SUMF1: variants seen among roughly 807,000 people sequenced by gnomAD.
SUMF1 encodes the protein sulfatase modifying factor 1, also known as formylglycine-generating enzyme.
In SUMF1, 48 loss-of-function variants were observed where a neutral mutation model predicts 47.6. That is an observed-to-expected ratio of 1.01 (90% CI 0.80 to 1.28). The LOEUF (loss-of-function observed/expected upper bound fraction) is 1.28, where lower values mean the gene tolerates loss of function less well. SUMF1 is among the 50% of genes most tolerant of loss of function. The pLI is 0.00. For missense variants in SUMF1, 571 were observed against 485.4 expected (o/e 1.18, Z -1.66); for synonymous variants, 230 against 192.1 (o/e 1.20, Z -1.63).
intron 8 of SUMF1, among the ~76,000 whole-genome samples, chr3:4,179,935 A>T (rs1695055609): frequency 6.6e-6 from 1 of 152,226 alleles, no homozygotes; most frequent in Non-Finnish European, 1.5e-5. Context: ...CAAAAGACAC[A>T]TGAAAAAATT....
chr3:4,350,837 T>G (rs1699484797), intron 8 of SUMF1, among the ~76,000 whole-genome samples: 1 of 151,950 alleles, frequency 6.6e-6, no homozygotes, highest in African/African-American at 2.4e-5. Flanking sequence ...TGGAATAAAA[T>G]TTTGCACCCC....
intron 8 of SUMF1, among the ~76,000 whole-genome samples, chr3:4,244,150 T>A (rs939808530): frequency 5.3e-5 from 8 of 152,192 alleles, no homozygotes; most frequent in African/African-American, 1.9e-4. Flanking sequence ...TGAGCCTATG[T>A]GTGTCTTTGC....
chr3:4,208,888 G>C (rs910992170), intron 8 of SUMF1, among the ~76,000 whole-genome samples: 4 of 152,082 alleles, frequency 2.6e-5, no homozygotes, highest in Non-Finnish European at 5.9e-5. Flanking sequence ...AAAGAGATCT[G>C]TTGCTAGACT....
At chr3:4,428,876 CA>C (rs1702148677) in intron 3 of SUMF1, among the ~76,000 whole-genome samples, 1 of 152,198 alleles carries the variant, frequency 6.6e-6, no homozygotes, top group African/African-American at 2.4e-5. Flanking sequence ...TAAGCATACA[CA>C]TTTTTACAGT....
chr3:4,206,245 C>A (rs925731214), intron 8 of SUMF1, among the ~76,000 whole-genome samples: 1 of 151,848 alleles, frequency 6.6e-6, no homozygotes. Flanking sequence ...GACACAAACA[C>A]TCCTTTGGCT....
intron 8 of SUMF1, among the ~76,000 whole-genome samples, chr3:4,346,951 T>C (rs1029754244): frequency 6.6e-6 from 1 of 152,224 alleles, no homozygotes; most frequent in Admixed American, 6.5e-5. Flanking sequence ...GATAAATTCC[T>C]GGACACATAC....
chr3:4,045,612 T>C (rs781268019), intron 9 of SUMF1, among the ~76,000 whole-genome samples: 1 of 152,088 alleles, frequency 6.6e-6, no homozygotes, highest in Non-Finnish European at 1.5e-5. Flanking sequence ...AACAACTCCA[T>C]ATAATCACTG....
At chr3:4,220,224 C>G (rs1459639572) in intron 8 of SUMF1, among the ~76,000 whole-genome samples, 2 of 152,174 alleles carry the variant, frequency 1.3e-5, no homozygotes, top group African/African-American at 4.8e-5. Context: ...CAGCTCATCT[C>G]TCTGTGTGTG....
chr3:4,188,465 A>C (rs976186954), intron 8 of SUMF1, among the ~76,000 whole-genome samples: 1 of 151,992 alleles, frequency 6.6e-6, no homozygotes, highest in Non-Finnish European at 1.5e-5. Context: ...GCCCTAACTT[A>C]CCCCAATCCA....
At chr3:4,215,858 G>T (rs866735213) in intron 8 of SUMF1, among the ~76,000 whole-genome samples, 18 of 152,110 alleles carry the variant, frequency 1.2e-4, no homozygotes, top group Middle Eastern at 3.2e-3. Context: ...TCTTCCAGGA[G>T]AACTACAAAC....
chr3:4,230,191 C>T (rs745705849), intron 8 of SUMF1, among the ~76,000 whole-genome samples: 5 of 152,004 alleles, frequency 3.3e-5, no homozygotes, highest in Non-Finnish European at 5.9e-5. Flanking sequence ...AACCAATTCT[C>T]CAACTCTCCA....
At chr3:4,229,379 G>A (rs1696248672) in intron 8 of SUMF1, 1 of 398,742 alleles carries the variant, frequency 2.5e-6, no homozygotes, top group African/African-American at 2.1e-5. Context: ...CAAAAGCCAA[G>A]AAGAGAAACC....
Position 4,205,912 on chromosome 3 carries a change from T to C in SUMF1, c.1015-137167A>G, listed in dbSNP as rs1695640982. ...GGTACTGGGTTCTGCCCAAGACCCA[T>C]GTTAACTACTGCCTGGCTACCACTA... On this transcript the variant is annotated intron_variant and NMD_transcript_variant, in intron 8 of 12. Transcript: ENST00000448413. Among the ~76,000 whole-genome samples the C allele has an allele frequency of 2.6e-5, 4 of 152,238 alleles. 1 individual carries two copies. The South Asian group carries it at 8.3e-4, about 32-fold the overall frequency.
Position 4,373,960 on chromosome 3 carries a change from A to T in SUMF1, c.1014+2370T>A, listed in dbSNP as rs1436561578. Among the ~76,000 whole-genome samples, 4 of 151,404 alleles carry T rather than the reference A, an allele frequency of 2.6e-5. No individual in the cohort carries two copies. The Admixed American group carries it at 2.6e-4, about 10-fold the overall frequency. ...ATATTATCATCTCAATAGATGCAGA[A>T]AAAGCTCCCAGCAAAATCTACATCC... is the stretch of plus-strand genomic sequence containing the variant. On this transcript the variant is annotated intron_variant, in intron 8 of 8. Coordinates refer to ENST00000272902, the MANE Select transcript of SUMF1 (RefSeq NM_182760.4).
At chr3:4,078,325 C>G (rs548537929) in intron 8 of SUMF1, among the ~76,000 whole-genome samples, 1,135 of 2,498 alleles carry the variant, frequency 0.45, 3 homozygotes, top group Middle Eastern at 0.5. Context: ...GCTTGCTAAA[C>G]TCAAACTATC....
intron 8 of SUMF1, among the ~76,000 whole-genome samples, chr3:4,260,556 G>T (rs1697063933): frequency 6.6e-6 from 1 of 152,082 alleles, no homozygotes; most frequent in African/African-American, 2.4e-5. Context: ...GCATAACGTA[G>T]ATCATTGTCT....
At chr3:4,349,528 C>A (rs189944343) in intron 8 of SUMF1, among the ~76,000 whole-genome samples, 1 of 152,138 alleles carries the variant, frequency 6.6e-6, no homozygotes, top group Non-Finnish European at 1.5e-5. Context: ...TAAAGACACA[C>A]GCACATGTAT....
At chr3:4,178,558 T>C (rs1695021343) in intron 8 of SUMF1, among the ~76,000 whole-genome samples, 1 of 152,152 alleles carries the variant, frequency 6.6e-6, no homozygotes, top group African/African-American at 2.4e-5. Context: ...ATAAGAGCTA[T>C]TTATGACAAA....
intron 8 of SUMF1, among the ~76,000 whole-genome samples, chr3:4,261,341 G>A (rs1697081226): frequency 6.7e-6 from 1 of 148,274 alleles, no homozygotes; most frequent in African/African-American, 2.6e-5. Flanking sequence ...GTAAAAGGAA[G>A]AAGAAGATAC....
Sources: allele counts gnomAD v4.1 joint callset (sites outside exome capture counted in the v4.1 genomes callset), GRCh38; gene constraint gnomAD v4.1.1; transcripts MANE v1.5; gene names NCBI Gene and HGNC (gene_info 2026-07-23, HGNC 2026-07-21).